IARS1: variants seen among roughly 807,000 people sequenced by gnomAD.
IARS1 encodes isoleucyl-tRNA synthetase 1.
IARS1 carries 124 observed loss-of-function variants against 168.2 expected under a neutral mutation model. The ratio of observed to expected loss-of-function variants is 0.74; its 90% CI spans 0.64 to 0.86. The LOEUF (loss-of-function observed/expected upper bound fraction) is 0.86, where lower values mean the gene tolerates loss of function less well. IARS1 is among the 40% of genes least tolerant of loss of function. The pLI, the probability that IARS1 is intolerant of heterozygous loss-of-function variation, is 0.00. For missense variants in IARS1, 1,452 were observed against 1,515.8 expected (o/e 0.96, Z 0.70); for synonymous variants, 532 against 529.4 (o/e 1.00, Z -0.07).
chr9:92,228,894 G>C (rs902611752), intron 31 of IARS1, 107 bp downstream of exon 31: 1 of 1,306,626 alleles, frequency 7.7e-7, no homozygotes, highest in African/African-American at 1.5e-5. Flanking sequence ...TGACTCAAGA[G>C]AGTTAGGAAA....
Position 92,248,370 on chromosome 9 carries a change from T to C in IARS1, c.2617-819A>G, listed in dbSNP as rs1281271685. On this transcript the variant is annotated intron_variant, in intron 25 of 33. Coordinates refer to ENST00000443024, the MANE Select transcript of IARS1 (RefSeq NM_002161.6). ...TTAATTAATCTCATTTTAAGTGAAG[T>C]AGTTAATTTCAAAATTTTTCAGCTG... 3.9e-5 allele frequency among the ~76,000 whole-genome samples: 6 copies of C among 152,194 alleles called. No individual in the cohort carries two copies. The East Asian group carries it at 1.2e-3, about 29-fold the overall frequency.
intron 27 of IARS1, among the ~76,000 whole-genome samples, chr9:92,243,713 C>A (rs1828780689): frequency 6.6e-6 from 1 of 152,150 alleles, no homozygotes; most frequent in Non-Finnish European, 1.5e-5. Flanking sequence ...AGTGGATCAA[C>A]GGCCTCAGCG....
Position 92,216,348 on chromosome 9 carries a change from G to C in IARS1, c.3707-5459C>G, listed in dbSNP as rs964172984. Among the ~76,000 whole-genome samples, 14 of 151,210 alleles carry C rather than the reference G, an allele frequency of 9.3e-5. 1 individual carries two copies. The highest frequency in any genetic ancestry group is 4.4e-5 in the Non-Finnish European group (3 of 67,784). ...AAAATGTAAAGACCATCGAGACTAG[G>C]AAGAAACTACATCAACTAACGAGCA... On this transcript the variant is annotated intron_variant, in intron 33 of 33. Coordinates refer to ENST00000443024, the MANE Select transcript of IARS1 (RefSeq NM_002161.6).
At chr9:92,223,296 A>T (rs1486704795) in intron 32 of IARS1, 50 bp downstream of exon 32, 1 of 1,511,230 alleles carries the variant, frequency 6.6e-7, no homozygotes, top group Non-Finnish European at 8.9e-7. Context: ...ATTAAAGACA[A>T]CTTCAATGCC....
chr9:92,247,718 A>T (rs973916885), intron 25 of IARS1, among the ~76,000 whole-genome samples, 167 bp from the exon 26 acceptor site: 1 of 152,264 alleles, frequency 6.6e-6, no homozygotes, highest in Non-Finnish European at 1.5e-5. Flanking sequence ...CATGCAATAG[A>T]GTATTTGGCA....
chr9:92,223,572 A>G, intron 31 of IARS1, 83 bp from the exon 32 acceptor site: 1 of 1,145,216 alleles, frequency 8.7e-7, no homozygotes, highest in Non-Finnish European at 1.2e-6. Context: ...TTTAACTATC[A>G]TGTATCTTTT....
At chr9:92,267,717 T>A (rs1297613157) in intron 14 of IARS1, among the ~76,000 whole-genome samples, 3 of 152,110 alleles carry the variant, frequency 2.0e-5, no homozygotes, top group Non-Finnish European at 4.4e-5. Flanking sequence ...TATATCCACA[T>A]ACATCTATAT....
chr9:92,240,433 T>C (rs1278507246), intron 30 of IARS1: 5 of 471,646 alleles, frequency 1.1e-5, no homozygotes, highest in Non-Finnish European at 1.9e-5. Context: ...CTGGCTAATT[T>C]TGGTATTTTT....
At chr9:92,256,601 T>TAGGGA (rs1830758717) in intron 20 of IARS1, 79 bp downstream of exon 20, 1 of 1,332,818 alleles carries the variant, frequency 7.5e-7, no homozygotes, top group Non-Finnish European at 1.0e-6. Flanking sequence ...CTCTCAATAT[T>TAGGGA]TCCACTATTA....
chr9:92,222,439 A>AT, intron 33 of IARS1, 81 bp downstream of exon 33: 5 of 1,070,308 alleles, frequency 4.7e-6, no homozygotes, highest in Non-Finnish European at 7.0e-6. Context: ...ACTATCTTAC[A>AT]TGTATATGCT....
At chr9:92,251,935 A>G (rs1830058901) in intron 21 of IARS1, 50 bp from the exon 22 acceptor site, 1 of 1,287,832 alleles carries the variant, frequency 7.8e-7, no homozygotes, top group Non-Finnish European at 1.1e-6. Context: ...ATAAGTGTTT[A>G]TCATTAAAAA....
At chr9:92,243,348 T>A (rs771377583) in intron 27 of IARS1, 37 bp from the exon 28 acceptor site, 49 of 1,410,324 alleles carry the variant, frequency 3.5e-5, no homozygotes, top group Non-Finnish European at 2.2e-5. Context: ...GACAATCAAA[T>A]AAGGAGAAAC....
At chr9:92,269,656 T>C (rs1239527726) in intron 13 of IARS1, among the ~76,000 whole-genome samples, 1 of 152,188 alleles carries the variant, frequency 6.6e-6, no homozygotes, top group African/African-American at 2.4e-5. Context: ...TTCCAATGAG[T>C]TTAAAAAGAA....
intron 30 of IARS1, 121 bp from the exon 31 acceptor site, chr9:92,229,247 T>C (rs1826252618): frequency 1.2e-6 from 1 of 805,330 alleles, no homozygotes; most frequent in East Asian, 2.7e-5. Flanking sequence ...TTCCCCCAAC[T>C]ATACACTATA....
At chr9:92,262,889 A>G in intron 17 of IARS1, 80 bp downstream of exon 17, 1 of 986,268 alleles carries the variant, frequency 1.0e-6, no homozygotes, top group South Asian at 1.3e-5. Context: ...ACTACAACAA[A>G]GTTGACCGCT....
In IARS1 at chr9:92,250,801, A is replaced by G; in HGVS notation, c.2341T>C (p.Tyr781His). ...TCAATCAGCACCTTTAGATTCTGGT[A>G]CATCAATTCAGTGAGAAAAGGTGTG... ...PYTPFLTELMYQNLKVLIDPV... is the reference protein window; with the variant it reads ...PYTPFLTELMHQNLKVLIDPV... The change falls in exon 23 of 34, where the codon TAC (tyrosine) becomes CAC (histidine). Residue 781 changes from tyrosine (Y) to histidine (H), a missense_variant. Transcript: ENST00000443024. 1 of 1,612,914 alleles carries G rather than the reference A, an allele frequency of 6.2e-7. No individual in the cohort carries two copies. The highest frequency in any genetic ancestry group is 8.5e-7 in the Non-Finnish European group (1 of 1,179,476).
At chr9:92,260,356 T>C (rs1047342772) in intron 17 of IARS1, 122 bp from the exon 18 acceptor site, 7 of 750,680 alleles carry the variant, frequency 9.3e-6, no homozygotes, top group Admixed American at 3.8e-5. Context: ...GTAACTTAGA[T>C]AGAAGTTAGT....
chr9:92,215,091 C>A (rs1391172784), intron 33 of IARS1, among the ~76,000 whole-genome samples: 2 of 152,284 alleles, frequency 1.3e-5, no homozygotes, highest in Non-Finnish European at 2.9e-5. Context: ...GGGCAGACTG[C>A]CTCCTCAAGT....
rs386415476 is a variant in IARS1 at position 92,225,575 on chromosome 9, T to TTTA, written c.3410-2087_3410-2086insTAA. On this transcript the variant is annotated intron_variant, in intron 31 of 33. Coordinates refer to ENST00000443024, the MANE Select transcript of IARS1 (RefSeq NM_002161.6). The stretch of plus-strand genomic sequence containing the variant: ...GTACAAGAAAGAGTTAAAAGTGTGA[T>TTTA]TTTTTTTTTTTTTTTAATCTACTAG... 5.5e-3 allele frequency among the ~76,000 whole-genome samples: 167 copies of TTTA among 30,408 alleles called. 1 individual carries two copies. The African/African-American group carries it at 0.06, about 11-fold the overall frequency. 19.9% of individuals were successfully genotyped at this position (30,408 alleles called of 152,430 possible).
Sources: gnomAD v4.1 joint callset for allele counts (sites outside exome capture counted in the v4.1 genomes callset) on GRCh38, gnomAD v4.1.1 for gene constraint, MANE v1.5 for transcripts, NCBI Gene and HGNC (gene_info 2026-07-23, HGNC 2026-07-21) for gene names.